The following SMC6 variants were observed in gnomAD, a reference collection of about 807,000 sequenced individuals.
The protein encoded by SMC6 is structural maintenance of chromosomes protein 6.
In SMC6, 79 loss-of-function variants were observed where a neutral mutation model predicts 142.2. The observed-to-expected ratio is 0.56, with a 90% CI of 0.46 to 0.67. SMC6 has a LOEUF of 0.67. Ranked by LOEUF, SMC6 falls within the 30% of genes least tolerant of loss-of-function variation. The pLI is 0.00. For missense variants in SMC6, 1,072 were observed against 1,284.0 expected (o/e 0.83, Z 2.52); for synonymous variants, 411 against 412.4 (o/e 1.00, Z 0.04).
chr2:17,696,302 T>C lies in SMC6; in HGVS notation c.2519A>G (p.Glu840Gly). Residue 840 changes from glutamate (E) to glycine (G), a missense_variant, in exon 22 of 28, where the codon GAG becomes GGG. Glu to Gly is a moderately conservative substitution (Grantham distance 98). Around this residue, in one of 3 missense-constraint regions of SMC6, gnomAD observed 994 missense variants for 1,153.2 expected, o/e 0.86. Transcript: ENST00000448223. Reference sequence around the variant, plus strand: ...ATGGTGAAAAACCTCTAGTTCTTTCTCTTTCATATCCAGTTCTCGTTTCTT... The same window carrying C: ...ATGGTGAAAAACCTCTAGTTCTTTCCCTTTCATATCCAGTTCTCGTTTCTT... ...NKKKRELDMK[E>G]KELEEKMSQA... is the part of the protein sequence containing the mutation. 1 of 1,588,932 alleles carries C rather than the reference T, an allele frequency of 6.3e-7. No individual in the cohort carries two copies. Among genetic ancestry groups the C allele is most frequent in the South Asian group, 1.2e-5 (1 of 85,190 alleles).
chr2:17,708,639 T>G lies in SMC6; in HGVS notation c.1845A>C (p.Lys615Asn), dbSNP rs755574015. 6.8e-7 allele frequency: 1 copy of G among 1,465,828 alleles called. No homozygotes were observed. 90.8% of individuals were successfully genotyped at this position (1,465,828 alleles called of 1,614,324 possible). A position where few individuals can be genotyped will look rare whatever the true frequency, so the allele number is the denominator to read the frequency against. Residue 615 changes from lysine to asparagine, a missense_variant and splice_region_variant, in exon 17 of 28, where the codon AAA becomes AAC. Lys to Asn is a moderately conservative substitution (Grantham distance 94). Coordinates refer to ENST00000448223, the MANE Select transcript of SMC6 (RefSeq NM_001142286.2). ...TACAGCAAAGATCTGGAGGTCTTAC[T>G]TTGATTAGTAGCACTGTCTCTATGC... ...MRGIETVLLI[K>N]NNSVARAVMQ... is the part of the protein sequence containing the mutation.
chr2:17,683,835 G>T, intron 23 of SMC6, 72 bp from the exon 24 acceptor site: 1 of 1,400,798 alleles, frequency 7.1e-7, no homozygotes, highest in Non-Finnish European at 1.0e-6. Flanking sequence ...ATCTCAAACA[G>T]ATTTAACTGG....
chr2:17,703,609 T>C (rs910982327), intron 18 of SMC6, among the ~76,000 whole-genome samples: 2 of 152,116 alleles, frequency 1.3e-5, no homozygotes, highest in Admixed American at 1.3e-4. Flanking sequence ...CCTGAGACAG[T>C]AAGACCAACC....
intron 15 of SMC6, 94 bp from the exon 16 acceptor site, chr2:17,715,159 A>G: frequency 3.4e-6 from 4 of 1,163,844 alleles, no homozygotes; most frequent in Middle Eastern, 2.8e-4. Context: ...AATGACTTAT[A>G]TTTTTATATA....
chr2:17,706,871 CCTCT>C, intron 18 of SMC6, among the ~76,000 whole-genome samples: 1 of 152,114 alleles, frequency 6.6e-6, no homozygotes, highest in East Asian at 1.9e-4. Flanking sequence ...TCTGCTGTAT[CCTCT>C]CTGAGACAAA....
chr2:17,732,889 G>T (rs541521631), intron 5 of SMC6, among the ~76,000 whole-genome samples: 1 of 151,852 alleles, frequency 6.6e-6, no homozygotes, highest in Non-Finnish European at 1.5e-5. Flanking sequence ...TTACAGCCAC[G>T]CATATTTTAA....
chr2:17,720,867 G>T, intron 11 of SMC6, 73 bp downstream of exon 11: 1 of 1,254,690 alleles, frequency 8.0e-7, no homozygotes, highest in Non-Finnish European at 1.1e-6. Context: ...GGTTTGGTGG[G>T]TCATAAATAG....
chr2:17,749,771 C>G (rs1271811587), intron 2 of SMC6, among the ~76,000 whole-genome samples: 1 of 152,138 alleles, frequency 6.6e-6, no homozygotes, highest in East Asian at 1.9e-4. Flanking sequence ...TGCATTTTAA[C>G]AGAATTCTAA....
At chr2:17,737,530 C>G (rs947038805) in intron 5 of SMC6, among the ~76,000 whole-genome samples, 6 of 152,120 alleles carry the variant, frequency 3.9e-5, no homozygotes, top group African/African-American at 1.4e-4. Context: ...GACAGAACAG[C>G]TAGTGGACAA....
chr2:17,716,045 T>C, intron 15 of SMC6, 41 bp downstream of exon 15: 1 of 1,389,250 alleles, frequency 7.2e-7, no homozygotes, highest in Non-Finnish European at 9.4e-7. Flanking sequence ...AAAAACTTAT[T>C]TCTAAAGTTT....
intron 23 of SMC6, among the ~76,000 whole-genome samples, chr2:17,691,298 G>A (rs985250366): frequency 1.6e-5 from 2 of 123,664 alleles, no homozygotes; most frequent in African/African-American, 6.4e-5. Flanking sequence ...CTATAAAAAA[G>A]CTGAATAGTA....
intron 23 of SMC6, among the ~76,000 whole-genome samples, chr2:17,691,871 G>A (rs1472539512): frequency 6.6e-6 from 1 of 152,116 alleles, no homozygotes; most frequent in Non-Finnish European, 1.5e-5. Flanking sequence ...AAAGTCTCAG[G>A]ATACAAAATC....
At chr2:17,668,027 A>T (rs1666582149) in intron 26 of SMC6, among the ~76,000 whole-genome samples, 1 of 152,182 alleles carries the variant, frequency 6.6e-6, no homozygotes, top group Admixed American at 6.5e-5. Context: ...ATTTTATAAC[A>T]AAACTGCCAA....
intron 24 of SMC6, chr2:17,680,717 T>A (rs992256634): frequency 6.6e-6 from 1 of 152,176 alleles, no homozygotes; most frequent in South Asian, 2.1e-4. Flanking sequence ...GACTCAATAG[T>A]GGGCTTAAAA....
chr2:17,698,350 C>G (rs1361171626), intron 21 of SMC6, among the ~76,000 whole-genome samples: 1 of 151,904 alleles, frequency 6.6e-6, no homozygotes, highest in South Asian at 2.1e-4. Context: ...TATAGTTGCT[C>G]TATCAATTAT....
At position 17,703,147 on chromosome 2, in the gene SMC6, A is replaced by G. The variant is rs367575353; in HGVS notation, c.2142+10T>C. 6 of 1,335,472 alleles carry G rather than the reference A, an allele frequency of 4.5e-6. No homozygotes were observed. The African/African-American group carries it at 7.6e-5, about 17-fold the overall frequency. 82.7% of individuals were successfully genotyped at this position (1,335,472 alleles called of 1,614,324 possible). A position where few individuals can be genotyped will look rare whatever the true frequency, so the allele number is the denominator to read the frequency against. ...AAACAAAAGAAGGTTTATTATTATT[A>G]TTTTTTTACCTTTAGTTCTTTATAA... On this transcript the variant is annotated intron_variant, in intron 19 of 27. Coordinates refer to ENST00000448223, the MANE Select transcript of SMC6 (RefSeq NM_001142286.2).
At chr2:17,725,224 T>A in intron 9 of SMC6, 33 bp downstream of exon 9, 1 of 1,492,918 alleles carries the variant, frequency 6.7e-7, no homozygotes, top group Non-Finnish European at 9.2e-7. Context: ...ATTTGGCTGA[T>A]CTCAAAAAGA....
At chr2:17,715,227 A>G (rs753887400) in intron 15 of SMC6, among the ~76,000 whole-genome samples, 162 bp from the exon 16 acceptor site, 2 of 152,214 alleles carry the variant, frequency 1.3e-5, no homozygotes, top group Non-Finnish European at 2.9e-5. Context: ...GATTTAACAT[A>G]CTTTTATATA....
intron 16 of SMC6, among the ~76,000 whole-genome samples, chr2:17,710,698 T>A (rs527251740): frequency 1.3e-5 from 2 of 152,156 alleles, no homozygotes; most frequent in Admixed American, 1.3e-4. Context: ...GTAAGTAAAA[T>A]TAGTGAAGAG....
Sources: gnomAD v4.1 joint callset for allele counts (sites outside exome capture counted in the v4.1 genomes callset) on GRCh38, gnomAD v4.1.1 for gene constraint, gnomAD v4.1.1 regional missense constraint, MANE v1.5 for transcripts, NCBI Gene and HGNC (gene_info 2026-07-23, HGNC 2026-07-21) for gene names.